The following TMEM106B variants were observed in gnomAD, a reference collection of about 807,000 sequenced individuals.
TMEM106B encodes transmembrane protein 106B.
TMEM106B carries 15 observed loss-of-function variants against 31.1 expected under a neutral mutation model. That is an observed-to-expected ratio of 0.48 (90% confidence interval 0.32 to 0.74). The LOEUF (loss-of-function observed/expected upper bound fraction) is 0.74, where lower values mean the gene tolerates loss of function less well. TMEM106B is among the 30% of genes least tolerant of loss of function. The pLI, the probability that TMEM106B is intolerant of heterozygous loss-of-function variation, is 0.03. For synonymous variants in TMEM106B, 126 were observed against 112.5 expected (o/e 1.12, Z -0.76); for missense variants, 283 against 327.3 (o/e 0.86, Z 1.04).
rs1014945897 is a variant in TMEM106B at position 12,214,886 on chromosome 7, A to C, written c.76A>C (p.Met26Leu). ...DAYDGVTSENMRNGLVNSEVH... is the reference protein window; with the variant it reads ...DAYDGVTSENLRNGLVNSEVH... ...TTATGATGGAGTCACATCTGAAAACATGAGGAATGGACTGGTTAATAGTGA... is the reference window on the plus strand; with the variant it reads ...TTATGATGGAGTCACATCTGAAAACCTGAGGAATGGACTGGTTAATAGTGA... The change falls in exon 2 of 8, where the codon ATG becomes CTG. Residue 26 changes from methionine to leucine, a missense_variant. This residue lies in a region of TMEM106B where 77 missense variants were observed against 89.4 expected (regional missense o/e 0.86). Transcript: ENST00000396668. 4 of 1,614,098 alleles carry C rather than the reference A, an allele frequency of 2.5e-6. No homozygotes were observed. The highest frequency in any genetic ancestry group is 3.4e-6 in the Non-Finnish European group (4 of 1,179,960).
In TMEM106B at chr7:12,239,938, C is replaced by G. The variant is rs770992663; in HGVS notation, c.*7963C>G. 5.3e-5 allele frequency: 8 copies of G among 152,136 alleles called. No individual in the cohort carries two copies. Among genetic ancestry groups the G allele is most frequent in the Non-Finnish European group, 1.2e-4 (8 of 68,008 alleles). The allele number at this position is 152,136 out of a possible 1,614,324, so 9.4% of individuals were successfully genotyped here. A position where few individuals can be genotyped will look rare whatever the true frequency, so the allele number is the denominator to read the frequency against. On this transcript the variant is annotated 3_prime_UTR_variant, in exon 8 of 8. Coordinates refer to ENST00000396668, the MANE Select transcript of TMEM106B (RefSeq NM_001134232.2). ...ACATGCTGTTGAAAAAAATGGCACT[C>G]ATAGACTTGTTGGACACAGGATTGA...
Position 12,220,703 on chromosome 7 carries a change from A to G in TMEM106B, c.281+2182A>G, listed in dbSNP as rs546638692. ...AATTTGGCATTATTTGCCAAATTAC[A>G]TCTGCATTTACTTTTTGGCTCAGAA... On this transcript the variant is annotated intron_variant, in intron 3 of 7. Coordinates refer to ENST00000396668, the MANE Select transcript of TMEM106B (RefSeq NM_001134232.2). 3.9e-5 allele frequency among the ~76,000 whole-genome samples: 6 copies of G among 152,330 alleles called. No individual in the cohort carries two copies. In the South Asian group the frequency reaches 1.2e-3, roughly 32 times the overall value.
chr7:12,214,784 C>G, intron 1 of TMEM106B, 25 bp from the exon 2 acceptor site: 1 of 1,556,610 alleles, frequency 6.4e-7, no homozygotes, highest in African/African-American at 1.4e-5. Context: ...CTGAAGTTTA[C>G]TGTAAGATTT....
intron 7 of TMEM106B, chr7:12,231,601 T>A (rs1341855755): frequency 2.8e-6 from 1 of 355,078 alleles, no homozygotes; most frequent in Non-Finnish European, 5.0e-6. Context: ...CAGAAGATAA[T>A]TGTTTTAAAA....
chr7:12,226,706 C>G (rs556481362), intron 4 of TMEM106B, among the ~76,000 whole-genome samples: 1 of 151,820 alleles, frequency 6.6e-6, no homozygotes, highest in Non-Finnish European at 1.5e-5. Flanking sequence ...AAAAATGGAT[C>G]CCGTGGATCC....
rs1781974456 is a variant in TMEM106B, at chr7:12,229,610, C to T, written c.442-69C>T. On this transcript the variant is annotated intron_variant, in intron 4 of 7. Coordinates refer to ENST00000396668, the MANE Select transcript of TMEM106B (RefSeq NM_001134232.2). ...TGAAGCATAGCTACAGCTGAAGTTACTTTAATTTTAAATACATATTTGTAT... is the reference window on the plus strand; with the variant it reads ...TGAAGCATAGCTACAGCTGAAGTTATTTTAATTTTAAATACATATTTGTAT... The T allele has an allele frequency of 1.7e-5, 21 of 1,255,754 alleles. 1 individual carries two copies. The South Asian group carries it at 3.6e-4, about 22-fold the overall frequency. 77.8% of individuals were successfully genotyped at this position (1,255,754 alleles called of 1,614,324 possible).
rs921279116 is a variant in TMEM106B, at chr7:12,239,100, A to C, written c.*7125A>C. ...ATTGTTCATTGTAACCACTTTCATC[A>C]ATGATCTTAGCTAGATATTCTGGGT... On this transcript the variant is annotated 3_prime_UTR_variant, in exon 8 of 8. Transcript: ENST00000396668. 1 of 152,212 alleles carries C rather than the reference A, an allele frequency of 6.6e-6. No homozygotes were observed. Among genetic ancestry groups the C allele is most frequent in the African/African-American group, 2.4e-5 (1 of 41,458 alleles). 9.4% of individuals were successfully genotyped at this position (152,212 alleles called of 1,614,324 possible). A position where few individuals can be genotyped will look rare whatever the true frequency, so the allele number is the denominator to read the frequency against.
At chr7:12,215,149 C>G in intron 2 of TMEM106B, 122 bp downstream of exon 2, 1 of 718,558 alleles carries the variant, frequency 1.4e-6, no homozygotes, top group South Asian at 2.3e-5. Context: ...GTTGAAACAT[C>G]ATATCAGTTA....
In TMEM106B at chr7:12,239,423, CTT is replaced by C. The variant is rs1191406425; in HGVS notation, c.*7451_*7452del. ...CTTATCATTCATGTTTTCTGGAACA[CTT>C]TTCAATTACTTACAGTAAGGAAATA... On this transcript the variant is annotated 3_prime_UTR_variant, in exon 8 of 8. Coordinates refer to ENST00000396668, the MANE Select transcript of TMEM106B (RefSeq NM_001134232.2). 7 of 152,134 alleles carry C rather than the reference CTT, an allele frequency of 4.6e-5. No individual in the cohort carries two copies. The highest frequency in any genetic ancestry group is 1.7e-4 in the African/African-American group (7 of 41,452). The allele number at this position is 152,134 out of a possible 1,614,324, so 9.4% of individuals were successfully genotyped here. A position where few individuals can be genotyped will look rare whatever the true frequency, so the allele number is the denominator to read the frequency against.
Position 12,230,386 on chromosome 7 carries a change from C to T in TMEM106B, c.583-3C>T, listed in dbSNP as rs780499974. On this transcript the variant is annotated splice_region_variant and splice_polypyrimidine_tract_variant and intron_variant, in intron 5 of 7. Coordinates refer to ENST00000396668, the MANE Select transcript of TMEM106B (RefSeq NM_001134232.2). ...CTATCGAATTTCTCCTTTTGCCTTTCAGATTGATTACACAGTACCTACCGT... is the reference window on the plus strand; with the variant it reads ...CTATCGAATTTCTCCTTTTGCCTTTTAGATTGATTACACAGTACCTACCGT... 1.2e-6 allele frequency: 2 copies of T among 1,600,340 alleles called. No individual in the cohort carries two copies. Among genetic ancestry groups the T allele is most frequent in the South Asian group, 1.1e-5 (1 of 90,148 alleles).
At chr7:12,215,354 C>T (rs576293474) in intron 2 of TMEM106B, among the ~76,000 whole-genome samples, 84 of 151,430 alleles carry the variant, frequency 5.5e-4, no homozygotes, top group African/African-American at 2.0e-3. Context: ...TTACTTGCTA[C>T]TTTGCTATAT....
intron 4 of TMEM106B, 113 bp from the exon 5 acceptor site, chr7:12,229,562 ATTAC>A (rs1781973200): frequency 1.2e-6 from 1 of 832,618 alleles, no homozygotes. Context: ...ACATTTTGGT[ATTAC>A]TTTCTTTTTC....
At chr7:12,219,584 A>G (rs1324765933) in intron 3 of TMEM106B, among the ~76,000 whole-genome samples, 4 of 152,186 alleles carry the variant, frequency 2.6e-5, no homozygotes, top group East Asian at 3.8e-4. Flanking sequence ...TATAAAAGCT[A>G]TAACAGGACA....
chr7:12,228,678 T>C (rs1781953190), intron 4 of TMEM106B, among the ~76,000 whole-genome samples: 1 of 152,004 alleles, frequency 6.6e-6, no homozygotes, highest in South Asian at 2.1e-4. Flanking sequence ...TTAATGTATA[T>C]AACTAAATTA....
At chr7:12,231,012 A>G (rs757627608) in intron 6 of TMEM106B, 50 bp from the exon 7 acceptor site, 5 of 1,315,674 alleles carry the variant, frequency 3.8e-6, no homozygotes, top group African/African-American at 1.5e-5. Flanking sequence ...AGAATTTTTA[A>G]TTTATAATGT....
rs1489887782 is a variant in TMEM106B, at chr7:12,236,746, C to A, written c.*4771C>A. Reference sequence around the variant, plus strand: ...CTATTCATCTTTTTTATTATTGTGTCAGATGAAACAAATGCCAAGTTGCAA... The same window carrying A: ...CTATTCATCTTTTTTATTATTGTGTAAGATGAAACAAATGCCAAGTTGCAA... On this transcript the variant is annotated 3_prime_UTR_variant, in exon 8 of 8. Transcript: ENST00000396668. 1 of 151,892 alleles carries A rather than the reference C, an allele frequency of 6.6e-6. No individual in the cohort carries two copies. Among genetic ancestry groups the A allele is most frequent in the African/African-American group, 2.4e-5 (1 of 41,406 alleles). The allele number at this position is 151,892 out of a possible 1,614,324, so 9.4% of individuals were successfully genotyped here. A position where few individuals can be genotyped will look rare whatever the true frequency, so the allele number is the denominator to read the frequency against.
chr7:12,215,808 C>T (rs6460901), intron 2 of TMEM106B: 83,713 of 170,608 alleles, frequency 0.49, 21,572 homozygotes, highest in East Asian at 0.65. Flanking sequence ...AGGGATGGTA[C>T]GTGAAAATGA....
rs144830416 is a variant in TMEM106B at position 12,223,966 on chromosome 7, G to C, written c.282-260G>C. On this transcript the variant is annotated intron_variant, in intron 3 of 7. Coordinates refer to ENST00000396668, the MANE Select transcript of TMEM106B (RefSeq NM_001134232.2). ...GAACTCCTGACCTCTTGATACGCCCGCCTCAGCCTCTCAAAGTGCTGGGAT... is the reference window on the plus strand; with the variant it reads ...GAACTCCTGACCTCTTGATACGCCCCCCTCAGCCTCTCAAAGTGCTGGGAT... Among the ~76,000 whole-genome samples, 4,949 of 152,040 alleles carry C rather than the reference G, an allele frequency of 0.033. 447 individuals are homozygous for C. Among genetic ancestry groups the C allele is most frequent in the East Asian group, 0.19 (977 of 5,144 alleles).
At chr7:12,224,915 C>T (rs966783981) in intron 4 of TMEM106B, among the ~76,000 whole-genome samples, 41 of 151,468 alleles carry the variant, frequency 2.7e-4, no homozygotes, top group Non-Finnish European at 4.7e-4. Context: ...ATGTGCACAG[C>T]ATGCAGGTTT....
Sources: gnomAD v4.1 joint callset for allele counts (sites outside exome capture counted in the v4.1 genomes callset) on GRCh38, gnomAD v4.1.1 for gene constraint, gnomAD v4.1.1 regional missense constraint, MANE v1.5 for transcripts, NCBI Gene and HGNC (gene_info 2026-07-23, HGNC 2026-07-21) for gene names.